The following LGI2 variants were observed in gnomAD, a reference collection of about 807,000 sequenced individuals.
LGI2 encodes the protein leucine-rich repeat LGI family member 2.
LGI2 carries 30 observed loss-of-function variants against 52.0 expected under a neutral mutation model. The observed-to-expected ratio is 0.58, with a 90% CI of 0.43 to 0.78. The LOEUF (loss-of-function observed/expected upper bound fraction) is 0.78. Ranked by LOEUF, LGI2 falls within the 30% of genes least tolerant of loss-of-function variation. The pLI, the probability that LGI2 is intolerant of heterozygous loss-of-function variation, is 0.00. For missense variants in LGI2, 573 were observed against 692.5 expected (o/e 0.83, Z 1.94); for synonymous variants, 270 against 271.8 (o/e 0.99, Z 0.06).
chr4:25,024,877 T>C lies in LGI2; in HGVS notation c.356A>G (p.Asn119Ser). ...FHLEYLFIEG[N>S]KIETISRNAF... is the part of the protein sequence containing the mutation. ...ATTTCTTGAAATGGTTTCTATTTTG[T>C]TCCCTTCAATGAACCTAAGAGGAAA... Residue 119 changes from asparagine to serine, a missense_variant, in exon 4 of 8, where the codon AAC becomes AGC. By Grantham distance (46) the Asn-to-Ser change is conservative. Coordinates refer to ENST00000382114, the MANE Select transcript of LGI2 (RefSeq NM_018176.4). 6.2e-7 allele frequency: 1 copy of C among 1,606,722 alleles called. No individual in the cohort carries two copies. Among genetic ancestry groups the C allele is most frequent in the Non-Finnish European group, 8.5e-7 (1 of 1,177,116 alleles).
At position 25,017,856 on chromosome 4, in the gene LGI2, G is replaced by A. The variant is rs1725824274; in HGVS notation, c.655+133C>T. 10 of 813,910 alleles carry A rather than the reference G, an allele frequency of 1.2e-5. No homozygotes were observed. In the South Asian group the frequency reaches 3.2e-4, roughly 26 times the overall value. The allele number at this position is 813,910 out of a possible 1,614,324, so 50.4% of individuals were successfully genotyped here. On this transcript the variant is annotated intron_variant, in intron 6 of 7. Transcript: ENST00000382114. Reference sequence around the variant, plus strand: ...CCACATCGATTCATTTCTTTAGAATGTTTAAAATTTCTCTAAAACAATTTT... The same window carrying A: ...CCACATCGATTCATTTCTTTAGAATATTTAAAATTTCTCTAAAACAATTTT...
At chr4:24,995,212 G>A (rs2109395415), downstream of LGI2, among the ~76,000 whole-genome samples, 1 of 152,274 alleles carries the variant, frequency 6.6e-6, no homozygotes, top group Middle Eastern at 3.4e-3. Flanking sequence ...GTCATAGTGT[G>A]GTATGTGGAT....
At chr4:25,010,579 G>A (rs566354720) in intron 7 of LGI2, among the ~76,000 whole-genome samples, 63 of 152,310 alleles carry the variant, frequency 4.1e-4, no homozygotes, top group Middle Eastern at 3.4e-3. Context: ...CCTAGACCAC[G>A]GCAGAGTTGG....
chr4:25,025,602 TTGA>T (rs143366645), intron 3 of LGI2, among the ~76,000 whole-genome samples: 7,747 of 152,236 alleles, frequency 0.051, 422 homozygotes, highest in African/African-American at 0.14. Context: ...TGGGAAATAA[TTGA>T]TGTGAATTCA....
chr4:24,992,694 GA>G, the LGI2 span, among the ~76,000 whole-genome samples: 1 of 152,082 alleles, frequency 6.6e-6, no homozygotes. Context: ...AAAAAGAAAA[GA>G]AAAAGGCTGG....
In LGI2 at chr4:24,999,883, C is replaced by T. The variant is rs1216919216; in HGVS notation, c.*3568G>A. Reference sequence around the variant, plus strand: ...CGTGCATTCAGGTTTTGAATTTTTCCTTCACAGATCTCTTCTTGTTTATCT... The same window carrying T: ...CGTGCATTCAGGTTTTGAATTTTTCTTTCACAGATCTCTTCTTGTTTATCT... On this transcript the variant is annotated 3_prime_UTR_variant, in exon 8 of 8. Coordinates refer to ENST00000382114, the MANE Select transcript of LGI2 (RefSeq NM_018176.4). 1 of 456,132 alleles carries T rather than the reference C, an allele frequency of 2.2e-6. No homozygotes were observed. Among genetic ancestry groups the T allele is most frequent in the Non-Finnish European group, 4.4e-6 (1 of 226,890 alleles). 28.3% of individuals were successfully genotyped at this position (456,132 alleles called of 1,614,324 possible). A position where few individuals can be genotyped will look rare whatever the true frequency, so the allele number is the denominator to read the frequency against.
intron 4 of LGI2, among the ~76,000 whole-genome samples, chr4:25,020,845 T>C (rs565091921): frequency 6.6e-6 from 1 of 152,322 alleles, no homozygotes; most frequent in Admixed American, 6.5e-5. Context: ...TTACCTTTCT[T>C]TTCTAAATGA....
intron 6 of LGI2, among the ~76,000 whole-genome samples, chr4:25,017,347 T>A (rs1221750258): frequency 6.6e-6 from 1 of 151,614 alleles, no homozygotes; most frequent in East Asian, 1.9e-4. Flanking sequence ...ATCGAGACCA[T>A]CCTGGCCAAC....
At chr4:25,026,770 CT>C (rs1560295515) in intron 3 of LGI2, 97 bp downstream of exon 3, 11 of 956,546 alleles carry the variant, frequency 1.1e-5, no homozygotes, top group Non-Finnish European at 1.9e-5. Flanking sequence ...TTCTCCACCC[CT>C]AAACCCTTGC....
Position 25,003,877 on chromosome 4 carries a change from G to A in LGI2, c.1212C>T (p.Ser404=). The change falls in exon 8 of 8, where the codon AGC becomes AGT. Residue 404 remains serine (S), a synonymous_variant. Transcript: ENST00000382114. The stretch of plus-strand genomic sequence containing the variant: ...CACCATGGGGGACAAACTTCTTAGA[G>A]CTTTTATTCCACTGGAGGATGATGG... ...QVPIILQWNK[S]SKKFVPHGDI... 1.2e-6 allele frequency: 2 copies of A among 1,614,188 alleles called. No homozygotes were observed. The highest frequency in any genetic ancestry group is 1.7e-6 in the Non-Finnish European group (2 of 1,180,036).
intron 6 of LGI2, 60 bp from the exon 7 acceptor site, chr4:25,012,559 C>G: frequency 2.6e-6 from 4 of 1,556,852 alleles, no homozygotes; most frequent in Non-Finnish European, 3.5e-6. Context: ...GATTATCAAC[C>G]ACCATCACCG....
At chr4:25,014,615 G>A (rs905627808) in intron 6 of LGI2, among the ~76,000 whole-genome samples, 1 of 152,066 alleles carries the variant, frequency 6.6e-6, no homozygotes, top group African/African-American at 2.4e-5. Context: ...GACTGCTTGA[G>A]GCCAGGAGTT....
chr4:24,995,412 T>C (rs1298155461), downstream of LGI2, among the ~76,000 whole-genome samples: 1 of 152,218 alleles, frequency 6.6e-6, no homozygotes, highest in Non-Finnish European at 1.5e-5. Context: ...GTGGTGTAAG[T>C]TTCTCAGGAA....
chr4:25,020,111 T>A (rs2024342), intron 4 of LGI2, among the ~76,000 whole-genome samples: 57,814 of 152,118 alleles, frequency 0.38, 13,986 homozygotes, highest in East Asian at 0.69. Flanking sequence ...CAGTCAATAC[T>A]CCTTTACATA....
chr4:25,030,630 A>G lies in LGI2; in HGVS notation c.64T>C (p.Cys22Arg). ...GLLLLLLGAA[C>R]LIPRSAQVRR... ...ACCTGCGCGCTCCGCGGTATCAGGC[A>G]CGCGGCGCCCAGCAGCAGCAGCAGC... The change falls in exon 1 of 8, where the codon TGC (cysteine) becomes CGC (arginine). Residue 22 changes from cysteine to arginine, a missense_variant. By Grantham distance (180) the Cys-to-Arg change is radical. Coordinates refer to ENST00000382114, the MANE Select transcript of LGI2 (RefSeq NM_018176.4). The G allele has an allele frequency of 6.4e-7, 1 of 1,550,646 alleles. No homozygotes were observed. Among genetic ancestry groups the G allele is most frequent in the Admixed American group, 2.0e-5 (1 of 51,116 alleles).
downstream of LGI2, among the ~76,000 whole-genome samples, chr4:24,996,228 C>T (rs1319458516): frequency 2.0e-5 from 3 of 152,124 alleles, no homozygotes; most frequent in African/African-American, 7.2e-5. Context: ...ATTCACACTC[C>T]CTGTGAATTC....
intron 3 of LGI2, among the ~76,000 whole-genome samples, chr4:25,025,984 T>A (rs145755148): frequency 2.0e-5 from 3 of 152,208 alleles, no homozygotes; most frequent in African/African-American, 7.2e-5. Context: ...TTCCATACTA[T>A]GTATATGATA....
rs1725279975 is a variant in LGI2, at chr4:25,002,585, C to T, written c.*866G>A. The T allele has an allele frequency of 6.6e-6, 1 of 152,644 alleles. No individual in the cohort carries two copies. The highest frequency in any genetic ancestry group is 1.5e-5 in the Non-Finnish European group (1 of 68,040). The allele number at this position is 152,644 out of a possible 1,614,324, so 9.5% of individuals were successfully genotyped here. On this transcript the variant is annotated 3_prime_UTR_variant, in exon 8 of 8. Transcript: ENST00000382114. The stretch of plus-strand genomic sequence containing the variant: ...CATCAGACGGAAATAACTGTTTCAT[C>T]CCTCTAAAGGATGAAATGAAAAGCA...
At chr4:25,025,577 G>A (rs1295206888) in intron 3 of LGI2, among the ~76,000 whole-genome samples, 1 of 152,000 alleles carries the variant, frequency 6.6e-6, no homozygotes, top group Non-Finnish European at 1.5e-5. Flanking sequence ...CACTGGCCAT[G>A]CTTTAAGGTC....
Sources: gnomAD v4.1 joint callset for allele counts (sites outside exome capture counted in the v4.1 genomes callset) on GRCh38, gnomAD v4.1.1 for gene constraint, MANE v1.5 for transcripts, NCBI Gene and HGNC (gene_info 2026-07-23, HGNC 2026-07-21) for gene names.